The following NEGR1 variants were observed in gnomAD, a reference collection of about 807,000 sequenced individuals.
The protein encoded by NEGR1 is neuronal growth regulator 1.
NEGR1 carries 10 observed loss-of-function variants against 40.9 expected under a neutral mutation model. That is an observed-to-expected ratio of 0.24 (90% CI 0.15 to 0.42). NEGR1 has a LOEUF of 0.42. NEGR1 is among the 10% of genes least tolerant of loss of function. The pLI is 1.00. For missense variants in NEGR1, 352 were observed against 438.9 expected, an observed-to-expected ratio of 0.80 and a Z score of 1.77; for synonymous variants, 185 against 166.8, an observed-to-expected ratio of 1.11 and a Z score of -0.84.
At chr1:71,988,531 G>C (rs1294807831) in intron 1 of NEGR1, among the ~76,000 whole-genome samples, 1 of 119,008 alleles carries the variant, frequency 8.4e-6, no homozygotes, top group Non-Finnish European at 1.6e-5. Context: ...GGGCGACAGA[G>C]CGAGACTCCG....
intron 6 of NEGR1, among the ~76,000 whole-genome samples, chr1:71,509,878 G>A (rs1270455336): frequency 2.0e-5 from 3 of 152,206 alleles, no homozygotes; most frequent in Non-Finnish European, 4.4e-5. Flanking sequence ...CCAGTTAGAT[G>A]CCACCAGCCA....
chr1:71,651,682 C>T (rs1252384993), intron 4 of NEGR1, among the ~76,000 whole-genome samples: 1 of 152,058 alleles, frequency 6.6e-6, no homozygotes, highest in Non-Finnish European at 1.5e-5. Context: ...ATATTCTATC[C>T]TGTACATGTT....
chr1:71,916,527 T>C (rs541920240), intron 2 of NEGR1, among the ~76,000 whole-genome samples: 17 of 151,992 alleles, frequency 1.1e-4, no homozygotes, highest in South Asian at 4.2e-4. Context: ...CCGAAGCGGG[T>C]GGATCACCTG....
At chr1:71,667,185 C>T (rs535463234) in intron 4 of NEGR1, among the ~76,000 whole-genome samples, 88 of 152,208 alleles carry the variant, frequency 5.8e-4, no homozygotes, top group African/African-American at 1.0e-3. Flanking sequence ...TAATTTATTC[C>T]TTGGTAGGTG....
chr1:71,431,409 C>A (rs1646467546), intron 6 of NEGR1, among the ~76,000 whole-genome samples: 1 of 152,112 alleles, frequency 6.6e-6, no homozygotes, highest in Non-Finnish European at 1.5e-5. Flanking sequence ...GCCCTAAAAA[C>A]AGAGTGAGTA....
intron 2 of NEGR1, among the ~76,000 whole-genome samples, chr1:71,864,550 G>T (rs184437313): frequency 1.6e-3 from 243 of 152,228 alleles, no homozygotes; most frequent in Non-Finnish European, 2.5e-3. Context: ...TAGGTGAAAA[G>T]GTGGCAGATG....
chr1:71,562,314 A>C (rs751125154), intron 6 of NEGR1, among the ~76,000 whole-genome samples: 4 of 151,890 alleles, frequency 2.6e-5, no homozygotes, highest in Non-Finnish European at 5.9e-5. Context: ...AGAATCTAGA[A>C]AGATCTTATT....
At chr1:71,713,245 G>A (rs10789322) in intron 3 of NEGR1, among the ~76,000 whole-genome samples, 47,157 of 151,970 alleles carry the variant, frequency 0.31, 8,764 homozygotes, top group East Asian at 0.57. Context: ...CTGCCATATC[G>A]ATGTGTCTAC....
intron 1 of NEGR1, among the ~76,000 whole-genome samples, chr1:72,198,967 A>T (rs1381133102): frequency 6.6e-6 from 1 of 151,976 alleles, no homozygotes; most frequent in Non-Finnish European, 1.5e-5. Flanking sequence ...TGTTAACATC[A>T]TATATCACCA....
intron 1 of NEGR1, among the ~76,000 whole-genome samples, chr1:71,963,742 T>TA (rs1646187872): frequency 1.3e-5 from 2 of 152,320 alleles, no homozygotes; most frequent in South Asian, 4.1e-4. Flanking sequence ...ATATTTTTCT[T>TA]AAAATCTCCC....
intron 2 of NEGR1, among the ~76,000 whole-genome samples, chr1:71,782,234 G>T (rs1002455226): frequency 1.3e-5 from 2 of 152,088 alleles, no homozygotes; most frequent in East Asian, 1.9e-4. Flanking sequence ...CACCATGTAA[G>T]GACTCAGTGA....
intron 1 of NEGR1, among the ~76,000 whole-genome samples, chr1:72,150,103 G>A (rs1387038206): frequency 1.3e-5 from 2 of 151,854 alleles, no homozygotes; most frequent in Non-Finnish European, 2.9e-5. Context: ...TCATTTTATG[G>A]GCATTAAATT....
intron 1 of NEGR1, among the ~76,000 whole-genome samples, chr1:72,132,473 T>C (rs1650295409): frequency 6.6e-6 from 1 of 152,122 alleles, no homozygotes; most frequent in African/African-American, 2.4e-5. Context: ...CTTAAAGCCA[T>C]TCATGAAAAC....
chr1:71,723,938 C>T (rs1654591097), intron 3 of NEGR1, among the ~76,000 whole-genome samples: 1 of 151,780 alleles, frequency 6.6e-6, no homozygotes, highest in Non-Finnish European at 1.5e-5. Context: ...GGTGTCAGTT[C>T]AAGAAGTATC....
chr1:71,469,790 G>A (rs1281149928), intron 6 of NEGR1, among the ~76,000 whole-genome samples: 1 of 152,040 alleles, frequency 6.6e-6, no homozygotes, highest in Non-Finnish European at 1.5e-5. Context: ...TAAAAAGGTA[G>A]TATGTCTCTG....
intron 2 of NEGR1, among the ~76,000 whole-genome samples, chr1:71,847,499 G>A (rs775656259): frequency 1.1e-4 from 16 of 152,030 alleles, no homozygotes; most frequent in African/African-American, 3.6e-4. Context: ...ATTATTATAC[G>A]TGTTTTAGTG....
At chr1:72,064,402 G>A (rs1304709251) in intron 1 of NEGR1, among the ~76,000 whole-genome samples, 1 of 151,952 alleles carries the variant, frequency 6.6e-6, no homozygotes, top group Non-Finnish European at 1.5e-5. Flanking sequence ...CTTTGTTAGT[G>A]CACCAATAAC....
At chr1:71,647,854 T>C (rs1651585043) in intron 4 of NEGR1, among the ~76,000 whole-genome samples, 1 of 152,022 alleles carries the variant, frequency 6.6e-6, no homozygotes. Context: ...CTTGTGACAC[T>C]GTGTAAACTT....
chr1:71,972,335 A>AT (rs1646263664), intron 1 of NEGR1, among the ~76,000 whole-genome samples: 1 of 152,184 alleles, frequency 6.6e-6, no homozygotes, highest in Non-Finnish European at 1.5e-5. Context: ...CCCACCTCCC[A>AT]TATCAGTTTA....
Sources: allele counts gnomAD v4.1 joint callset (sites outside exome capture counted in the v4.1 genomes callset), GRCh38; gene constraint gnomAD v4.1.1; transcripts MANE v1.5; gene names NCBI Gene and HGNC (gene_info 2026-07-23, HGNC 2026-07-21).